TMTC2: variants seen among roughly 807,000 people sequenced by gnomAD.
The protein encoded by TMTC2 is transmembrane O-mannosyltransferase targeting cadherins 2.
TMTC2 carries 43 observed loss-of-function variants against 82.4 expected under a neutral mutation model. That is an observed-to-expected ratio of 0.52 (90% CI 0.41 to 0.67). TMTC2 has a LOEUF of 0.67. Among genes scored for constraint, TMTC2 ranks in the 30% least tolerant of loss-of-function variants. The probability of loss-of-function intolerance (pLI) is 0.00; values close to 1 mark genes in which losing one functional copy is unlikely to be tolerated. For synonymous variants in TMTC2, 408 were observed against 381.9 expected (o/e 1.07, Z -0.80); for missense variants, 919 against 1,012.4 (o/e 0.91, Z 1.25).
intron 4 of TMTC2, among the ~76,000 whole-genome samples, chr12:82,935,584 T>C (rs1876271923): frequency 6.6e-6 from 1 of 152,202 alleles, no homozygotes; most frequent in South Asian, 2.1e-4. Context: ...TGAAATGTAA[T>C]TGATTTTTAG....
chr12:82,853,064 CT>C (rs966159917), intron 1 of TMTC2, among the ~76,000 whole-genome samples: 1 of 151,056 alleles, frequency 6.6e-6, no homozygotes, highest in Admixed American at 6.6e-5. Context: ...CTATGTTTGT[CT>C]TTTTTTCCAT....
At chr12:82,969,353 A>G (rs2137310447) in intron 7 of TMTC2, among the ~76,000 whole-genome samples, 1 of 152,274 alleles carries the variant, frequency 6.6e-6, no homozygotes, top group Middle Eastern at 3.4e-3. Flanking sequence ...TTACCCCTTC[A>G]CAACCACTAC....
intron 3 of TMTC2, among the ~76,000 whole-genome samples, chr12:82,920,035 G>A (rs979313840): frequency 3.3e-5 from 5 of 152,126 alleles, no homozygotes; most frequent in Non-Finnish European, 5.9e-5. Context: ...TTCAGGTGTT[G>A]TTATAGCAAC....
chr12:83,109,698 T>C (rs1037424679), intron 11 of TMTC2, among the ~76,000 whole-genome samples: 1 of 152,142 alleles, frequency 6.6e-6, no homozygotes, highest in African/African-American at 2.4e-5. Context: ...TAGATTAAAT[T>C]CTAAGGTCCA....
intron 8 of TMTC2, among the ~76,000 whole-genome samples, chr12:83,007,396 C>G (rs543555941): frequency 2.2e-4 from 34 of 152,114 alleles, no homozygotes; most frequent in Middle Eastern, 3.4e-3. Context: ...TTTAATTGAG[C>G]ATTTAATATG....
chr12:83,113,225 A>C (rs972911087), intron 11 of TMTC2, among the ~76,000 whole-genome samples: 2 of 152,212 alleles, frequency 1.3e-5, no homozygotes, highest in East Asian at 3.8e-4. Flanking sequence ...GGTTTTCAAA[A>C]ATAGGGCTGC....
chr12:82,891,496 C>T (rs1189217144), intron 2 of TMTC2, among the ~76,000 whole-genome samples: 2 of 151,834 alleles, frequency 1.3e-5, no homozygotes, highest in Non-Finnish European at 2.9e-5. Context: ...TTAGTAGAGA[C>T]GGGGTTTCTC....
At chr12:83,033,532 C>G (rs1881527643) in intron 9 of TMTC2, among the ~76,000 whole-genome samples, 1 of 152,102 alleles carries the variant, frequency 6.6e-6, no homozygotes, top group African/African-American at 2.4e-5. Flanking sequence ...GCGGGCAGAT[C>G]ACTAGGTCAG....
intron 1 of TMTC2, among the ~76,000 whole-genome samples, chr12:82,780,440 T>G (rs903465636): frequency 1.3e-5 from 2 of 152,160 alleles, no homozygotes; most frequent in Admixed American, 6.6e-5. Flanking sequence ...AAACAGTTTT[T>G]TTTTTTGTTG....
At chr12:83,028,339 T>A (rs988772180) in intron 8 of TMTC2, among the ~76,000 whole-genome samples, 2 of 152,180 alleles carry the variant, frequency 1.3e-5, no homozygotes, top group African/African-American at 4.8e-5. Context: ...ATTAAGACTA[T>A]TTTAAAGTAG....
chr12:82,763,478 A>G (rs905848943), intron 1 of TMTC2, among the ~76,000 whole-genome samples: 7 of 152,204 alleles, frequency 4.6e-5, no homozygotes, highest in Admixed American at 2.6e-4. Flanking sequence ...CCTGACAACA[A>G]TAACCCTTTG....
At chr12:82,990,197 G>A (rs1022034520) in intron 8 of TMTC2, among the ~76,000 whole-genome samples, 4 of 152,134 alleles carry the variant, frequency 2.6e-5, no homozygotes, top group Admixed American at 6.6e-5. Context: ...AAAACTGGCC[G>A]AAGGGAAAAT....
intron 1 of TMTC2, among the ~76,000 whole-genome samples, chr12:82,730,513 A>G (rs188095496): frequency 5.9e-4 from 90 of 152,214 alleles, no homozygotes; most frequent in Non-Finnish European, 1.2e-3. Flanking sequence ...TCCACTTTAA[A>G]CAACATTGAC....
chr12:82,885,356 T>G (rs1207908282), intron 2 of TMTC2, among the ~76,000 whole-genome samples: 2 of 151,962 alleles, frequency 1.3e-5, no homozygotes, highest in South Asian at 2.1e-4. Flanking sequence ...TTTTTAGTTT[T>G]TTTTTCTAAT....
chr12:82,763,112 C>G (rs777862433), intron 1 of TMTC2, among the ~76,000 whole-genome samples: 13 of 149,400 alleles, frequency 8.7e-5, no homozygotes, highest in Non-Finnish European at 1.6e-4. Context: ...TATTGAGACA[C>G]AAATTTAAAA....
chr12:82,793,237 T>A (rs1164622437), intron 1 of TMTC2, among the ~76,000 whole-genome samples: 4 of 152,156 alleles, frequency 2.6e-5, no homozygotes, highest in Non-Finnish European at 4.4e-5. Flanking sequence ...GGTTCTTGGG[T>A]TCTTAAGATC....
intron 1 of TMTC2, among the ~76,000 whole-genome samples, chr12:82,753,396 C>G (rs1359567892): frequency 1.4e-5 from 2 of 142,688 alleles, no homozygotes; most frequent in East Asian, 4.2e-4. Flanking sequence ...TGTAAACATT[C>G]TTTAAACTGT....
chr12:83,106,601 T>G (rs1233308674), intron 11 of TMTC2, among the ~76,000 whole-genome samples: 1 of 152,062 alleles, frequency 6.6e-6, no homozygotes, highest in Non-Finnish European at 1.5e-5. Context: ...GAATTACTGT[T>G]TGTCAACTGC....
At chr12:82,989,883 A>G (rs1358346645) in intron 8 of TMTC2, among the ~76,000 whole-genome samples, 12 of 152,028 alleles carry the variant, frequency 7.9e-5, no homozygotes, top group Non-Finnish European at 5.9e-5. Flanking sequence ...CTTGCTGATT[A>G]GATGAAATAC....
Sources: allele counts gnomAD v4.1 joint callset (sites outside exome capture counted in the v4.1 genomes callset), GRCh38; gene constraint gnomAD v4.1.1; transcripts MANE v1.5; gene names NCBI Gene and HGNC (gene_info 2026-07-23, HGNC 2026-07-21).